CPNE4: variants seen among roughly 807,000 people sequenced by gnomAD.
CPNE4 encodes the protein copine 4, also known as copine-4.
Under a neutral mutation model 67.9 loss-of-function variants are expected in CPNE4, and 25 were observed. That is an observed-to-expected ratio of 0.37 (90% CI 0.27 to 0.51). The LOEUF (loss-of-function observed/expected upper bound fraction) is 0.51. CPNE4 is among the 20% of genes least tolerant of loss of function. The pLI is 0.93. For synonymous variants in CPNE4, 242 were observed against 244.9 expected, an observed-to-expected ratio of 0.99 and a Z score of 0.11; for missense variants, 464 against 690.8, an observed-to-expected ratio of 0.67 and a Z score of 3.68.
At chr3:131,647,057 A>G (rs2079686108) in intron 7 of CPNE4, among the ~76,000 whole-genome samples, 2 of 152,216 alleles carry the variant, frequency 1.3e-5, no homozygotes, top group South Asian at 4.1e-4. Context: ...TACTGTGCAG[A>G]TTCAGAGGTA....
chr3:131,793,748 C>T (rs755763762), intron 2 of CPNE4, among the ~76,000 whole-genome samples: 15 of 152,138 alleles, frequency 9.9e-5, no homozygotes, highest in Admixed American at 3.3e-4. Context: ...CCCAGGTCTC[C>T]GCTCAAATAT....
At chr3:131,857,713 G>A (rs1361975779) in intron 2 of CPNE4, among the ~76,000 whole-genome samples, 1 of 151,968 alleles carries the variant, frequency 6.6e-6, no homozygotes, top group Non-Finnish European at 1.5e-5. Flanking sequence ...AATATTCTGT[G>A]GAACAGCAGA....
In CPNE4 at chr3:131,982,457, T is replaced by G. The variant is rs1422280577; in HGVS notation, c.-2+52110A>C. Among the ~76,000 whole-genome samples, 3 of 152,214 alleles carry G rather than the reference T, an allele frequency of 2.0e-5. No individual in the cohort carries two copies. In the East Asian group the frequency reaches 5.8e-4, roughly 29 times the overall value. ...TTATTGCAAAAATGAAGTGCTAGAC[T>G]GAGAAACTGAAGCCATATAAAAGCA... is the stretch of plus-strand genomic sequence containing the variant. On this transcript the variant is annotated intron_variant, in intron 1 of 15. Transcript: ENST00000429747.
chr3:131,840,825 C>A (rs1040733328), intron 2 of CPNE4, among the ~76,000 whole-genome samples: 8 of 152,126 alleles, frequency 5.3e-5, no homozygotes, highest in Non-Finnish European at 1.2e-4. Flanking sequence ...CAGGTGTGAC[C>A]ATTTATCTTG....
At chr3:131,787,094 C>T (rs975114607) in intron 2 of CPNE4, among the ~76,000 whole-genome samples, 2 of 152,126 alleles carry the variant, frequency 1.3e-5, no homozygotes, top group African/African-American at 4.8e-5. Flanking sequence ...ACCCATCATG[C>T]TTCAGTTCAT....
intron 2 of CPNE4, among the ~76,000 whole-genome samples, chr3:131,744,532 C>A (rs2082438929): frequency 1.3e-5 from 2 of 152,190 alleles, no homozygotes; most frequent in Admixed American, 1.3e-4. Flanking sequence ...CAGAATATTT[C>A]CATCCCCACA....
intron 1 of CPNE4, among the ~76,000 whole-genome samples, chr3:131,932,473 T>A: frequency 6.6e-6 from 1 of 151,906 alleles, no homozygotes; most frequent in Non-Finnish European, 1.5e-5. Flanking sequence ...GAGACAGATG[T>A]TAAATAAAGA....
intron 1 of CPNE4, among the ~76,000 whole-genome samples, chr3:131,960,937 C>A (rs915514088): frequency 6.6e-6 from 1 of 152,190 alleles, no homozygotes; most frequent in African/African-American, 2.4e-5. Flanking sequence ...GTAAACCCTG[C>A]TGTCTCAGTG....
At chr3:131,760,547 C>T (rs114192198) in intron 2 of CPNE4, among the ~76,000 whole-genome samples, 1,854 of 152,274 alleles carry the variant, frequency 0.012, 18 homozygotes, top group Non-Finnish European at 0.016. Flanking sequence ...GTCATCTCAG[C>T]TCCAAATGTA....
chr3:131,684,868 G>A (rs548483970), intron 6 of CPNE4, among the ~76,000 whole-genome samples: 1 of 152,290 alleles, frequency 6.6e-6, no homozygotes, highest in Admixed American at 6.5e-5. Flanking sequence ...ATGTGTGTGT[G>A]GTAGTGGGTA....
At chr3:131,752,786 T>C (rs891825021) in intron 2 of CPNE4, among the ~76,000 whole-genome samples, 1 of 152,144 alleles carries the variant, frequency 6.6e-6, no homozygotes, top group African/African-American at 2.4e-5. Context: ...TACCAAGATT[T>C]TGAATGGTAA....
chr3:131,586,268 T>C (rs906047968), intron 8 of CPNE4, among the ~76,000 whole-genome samples: 1 of 152,164 alleles, frequency 6.6e-6, no homozygotes, highest in Non-Finnish European at 1.5e-5. Context: ...TGTCTTGGGT[T>C]GAGTTCCCCA....
At chr3:131,906,839 C>A (rs1265943052) in intron 1 of CPNE4, among the ~76,000 whole-genome samples, 1 of 151,676 alleles carries the variant, frequency 6.6e-6, no homozygotes, top group African/African-American at 2.4e-5. Flanking sequence ...CTGACTTCCA[C>A]AATGGTTGAA....
At chr3:131,613,982 T>C (rs1939998379) in intron 7 of CPNE4, among the ~76,000 whole-genome samples, 1 of 152,224 alleles carries the variant, frequency 6.6e-6, no homozygotes, top group Admixed American at 6.5e-5. Flanking sequence ...TGGATTGTCA[T>C]TTGGCCCAGT....
intron 2 of CPNE4, among the ~76,000 whole-genome samples, chr3:131,742,829 C>T (rs1335659698): frequency 6.6e-6 from 1 of 152,046 alleles, no homozygotes; most frequent in African/African-American, 2.4e-5. Flanking sequence ...ACTGAAAGAA[C>T]ACTTCCCACC....
chr3:131,899,795 T>C (rs984131789), intron 2 of CPNE4, among the ~76,000 whole-genome samples: 1 of 152,110 alleles, frequency 6.6e-6, no homozygotes, highest in Admixed American at 6.6e-5. Flanking sequence ...CAATGGAAAA[T>C]TGAATATCTT....
chr3:131,632,205 T>A (rs1169185436), intron 7 of CPNE4, among the ~76,000 whole-genome samples: 1 of 151,948 alleles, frequency 6.6e-6, no homozygotes, highest in African/African-American at 2.4e-5. Context: ...AGTCGGGGTT[T>A]CACCATGTTG....
At chr3:131,765,848 T>C (rs905111177) in intron 2 of CPNE4, among the ~76,000 whole-genome samples, 2 of 151,888 alleles carry the variant, frequency 1.3e-5, no homozygotes, top group African/African-American at 4.8e-5. Flanking sequence ...GCTGAAGACA[T>C]ATGAGGAAGG....
At chr3:131,671,967 A>G (rs1005542244) in intron 6 of CPNE4, among the ~76,000 whole-genome samples, 1 of 152,036 alleles carries the variant, frequency 6.6e-6, no homozygotes, top group Non-Finnish European at 1.5e-5. Flanking sequence ...CTCCTCCCCT[A>G]CTACCCTTCG....
Sources: allele counts gnomAD v4.1 joint callset (sites outside exome capture counted in the v4.1 genomes callset), GRCh38; gene constraint gnomAD v4.1.1; transcripts MANE v1.5; gene names NCBI Gene and HGNC (gene_info 2026-07-23, HGNC 2026-07-21).